GNAI3: variants seen among roughly 807,000 people sequenced by gnomAD.
GNAI3 encodes the protein G protein subunit alpha i3.
Under a neutral mutation model 41.8 loss-of-function variants are expected in GNAI3, and 12 were observed. That is an observed-to-expected ratio of 0.29 (90% CI 0.18 to 0.47). GNAI3 has a LOEUF of 0.47. Ranked by LOEUF, GNAI3 falls within the 20% of genes least tolerant of loss-of-function variation. The pLI, the probability that GNAI3 is intolerant of heterozygous loss-of-function variation, is 1.00. For synonymous variants in GNAI3, 132 were observed against 146.5 expected (o/e 0.90, Z 0.71); for missense variants, 360 against 429.6 (o/e 0.84, Z 1.43).
chr1:109,575,773 G>A (rs935234925), intron 3 of GNAI3, among the ~76,000 whole-genome samples: 6 of 151,754 alleles, frequency 4.0e-5, no homozygotes, highest in East Asian at 1.9e-4. Context: ...CTTGTGATCC[G>A]CCCGCCTCGG....
intron 1 of GNAI3, among the ~76,000 whole-genome samples, chr1:109,567,680 CA>C (rs1648492249): frequency 6.6e-6 from 1 of 152,178 alleles, no homozygotes; most frequent in African/African-American, 2.4e-5. Flanking sequence ...GAACCAACAT[CA>C]GTATCCAAGT....
rs1369084670 is a variant in GNAI3 at position 109,586,359 on chromosome 1, T to C, written c.720+14T>C. ...GACGAGGAGATGGTATGTTGGAGCT[T>C]CTGGTAAAAAGCCTGTCTAATGTAG... On this transcript the variant is annotated intron_variant, in intron 6 of 8. Coordinates refer to ENST00000369851, the MANE Select transcript of GNAI3 (RefSeq NM_006496.4). The C allele has an allele frequency of 6.2e-7, 1 of 1,606,864 alleles. No individual in the cohort carries two copies. The highest frequency in any genetic ancestry group is 2.2e-5 in the East Asian group (1 of 44,646).
At chr1:109,552,826 T>G (rs1648024834) in intron 1 of GNAI3, among the ~76,000 whole-genome samples, 1 of 152,112 alleles carries the variant, frequency 6.6e-6, no homozygotes, top group African/African-American at 2.4e-5. Flanking sequence ...TGCCATCATG[T>G]GACAAAGGTT....
In GNAI3 at chr1:109,586,852, C is replaced by A; in HGVS notation, c.844C>A (p.Pro282Thr). 1 of 1,601,794 alleles carries A rather than the reference C, an allele frequency of 6.2e-7. No individual in the cohort carries two copies. Among genetic ancestry groups the A allele is most frequent in the Non-Finnish European group, 8.6e-7 (1 of 1,169,160 alleles). The change falls in exon 7 of 9, where the codon CCG becomes ACG. Residue 282 changes from proline to threonine, a missense_variant. Transcript: ENST00000369851. ...DLFEEKIKRS[P>T]LTICYPEYTG... ...TTTTGAGGAAAAAATAAAGAGGAGTCCGTTAACTATCTGTTATCCAGAATA... is the reference window on the plus strand; with the variant it reads ...TTTTGAGGAAAAAATAAAGAGGAGTACGTTAACTATCTGTTATCCAGAATA...
At position 109,586,806 on chromosome 1, in the gene GNAI3, C is replaced by G; in HGVS notation, c.798C>G (p.Leu266=). 6.3e-7 allele frequency: 1 copy of G among 1,594,176 alleles called. No homozygotes were observed. Among genetic ancestry groups the G allele is most frequent in the East Asian group, 2.2e-5 (1 of 44,752 alleles). Residue 266 remains leucine, a synonymous_variant, in exon 7 of 9, where the codon CTC becomes CTG. Coordinates refer to ENST00000369851, the MANE Select transcript of GNAI3 (RefSeq NM_006496.4). ...NKWFTETSII[L]FLNKKDLFEE... is the part of the protein sequence containing the mutation. ...GGTTTACAGAAACTTCAATCATTCT[C>G]TTCCTTAACAAGAAAGACCTTTTTG...
At chr1:109,554,533 A>G (rs751460721) in intron 1 of GNAI3, among the ~76,000 whole-genome samples, 4 of 152,078 alleles carry the variant, frequency 2.6e-5, no homozygotes, top group Non-Finnish European at 4.4e-5. Context: ...AGAATTGTCT[A>G]TTCAAGTCCT....
At chr1:109,588,255 A>G (rs1452584166) in intron 7 of GNAI3, among the ~76,000 whole-genome samples, 1 of 151,744 alleles carries the variant, frequency 6.6e-6, no homozygotes, top group Non-Finnish European at 1.5e-5. Flanking sequence ...GGTGGCAGGC[A>G]CCTGTAGTCC....
rs1211083163 is a variant in GNAI3, at chr1:109,596,654, A to G, written c.*4332A>G. ...CAGATGTGAACCACTCCACCCACTC[A>G]GGGCAGTTTTTTTTCTGATACCATA... On this transcript the variant is annotated 3_prime_UTR_variant, in exon 9 of 9. Transcript: ENST00000369851. 6.6e-6 allele frequency: 1 copy of G among 152,154 alleles called. No homozygotes were observed. Among genetic ancestry groups the G allele is most frequent in the Non-Finnish European group, 1.5e-5 (1 of 68,036 alleles). 9.4% of individuals were successfully genotyped at this position (152,154 alleles called of 1,614,324 possible).
chr1:109,564,039 G>GTT (rs1304179215), intron 1 of GNAI3, among the ~76,000 whole-genome samples: 1 of 134,966 alleles, frequency 7.4e-6, no homozygotes, highest in Non-Finnish European at 1.6e-5. Flanking sequence ...CAGTTTTTGT[G>GTT]TGTTTTTTTT....
At chr1:109,554,066 A>G (rs1272998333) in intron 1 of GNAI3, among the ~76,000 whole-genome samples, 1 of 127,898 alleles carries the variant, frequency 7.8e-6, no homozygotes, top group Non-Finnish European at 1.6e-5. Flanking sequence ...GTAGTGTTCC[A>G]TGGGTGTAGA....
Position 109,573,797 on chromosome 1 carries a change from GT to G in GNAI3, c.161+22del. 1 of 1,607,458 alleles carries G rather than the reference GT, an allele frequency of 6.2e-7. No homozygotes were observed. Among genetic ancestry groups the G allele is most frequent in the South Asian group, 1.1e-5 (1 of 90,944 alleles). ...CAGATGAAGTAAGTTGGAATGTAGC[GT>G]TTTGTTAGACTAGGATTTCTCCTAA... On this transcript the variant is annotated intron_variant, in intron 2 of 8. Transcript: ENST00000369851.
rs895351205 is a variant in GNAI3 at position 109,595,898 on chromosome 1, C to T, written c.*3576C>T. The T allele has an allele frequency of 2.0e-5, 3 of 151,396 alleles. No individual in the cohort carries two copies. The highest frequency in any genetic ancestry group is 2.1e-4 in the South Asian group (1 of 4,814). 9.4% of individuals were successfully genotyped at this position (151,396 alleles called of 1,614,324 possible). On this transcript the variant is annotated 3_prime_UTR_variant, in exon 9 of 9. Transcript: ENST00000369851. ...CTAAAACGTCACTGTTTTCCTTGAG[C>T]GTTAGTACTTGTGGGTTCTTTCCTT...
intron 3 of GNAI3, among the ~76,000 whole-genome samples, chr1:109,578,729 G>T (rs1648819759): frequency 6.6e-6 from 1 of 152,176 alleles, no homozygotes; most frequent in African/African-American, 2.4e-5. Flanking sequence ...GCAAAGAAGA[G>T]AATACTTTTT....
In GNAI3 at chr1:109,548,624, G is replaced by T; in HGVS notation, c.-97G>T. ...GGGCGCTAAGGGAGCTGACGGAGAGGGCCACCGCCCAGCAATAGACGGTGC... is the reference window on the plus strand; with the variant it reads ...GGGCGCTAAGGGAGCTGACGGAGAGTGCCACCGCCCAGCAATAGACGGTGC... On this transcript the variant is annotated 5_prime_UTR_variant, in exon 1 of 9. Transcript: ENST00000369851. The T allele has an allele frequency of 3.8e-6, 3 of 781,692 alleles. No individual in the cohort carries two copies. Among genetic ancestry groups the T allele is most frequent in the Non-Finnish European group, 6.5e-6 (3 of 463,274 alleles). 48.4% of individuals were successfully genotyped at this position (781,692 alleles called of 1,614,324 possible).
intron 1 of GNAI3, among the ~76,000 whole-genome samples, chr1:109,567,266 A>T (rs1648480881): frequency 6.6e-6 from 1 of 152,202 alleles, no homozygotes; most frequent in African/African-American, 2.4e-5. Flanking sequence ...CTATACTCTA[A>T]TTATAATCCT....
rs982459305 is a variant in GNAI3 at position 109,598,158 on chromosome 1, T to C, written c.*5836T>C. 13 of 152,218 alleles carry C rather than the reference T, an allele frequency of 8.5e-5. No homozygotes were observed. Among genetic ancestry groups the C allele is most frequent in the Admixed American group, 2.0e-4 (3 of 15,286 alleles). The allele number at this position is 152,218 out of a possible 1,614,324, so 9.4% of individuals were successfully genotyped here. ...CTCTCCCTACGCCCAAAATTCTCCT[T>C]AGGTTATCCAGACATTTTTACTAAG... is the stretch of plus-strand genomic sequence containing the variant. On this transcript the variant is annotated 3_prime_UTR_variant, in exon 9 of 9. Coordinates refer to ENST00000369851, the MANE Select transcript of GNAI3 (RefSeq NM_006496.4).
intron 1 of GNAI3, among the ~76,000 whole-genome samples, chr1:109,565,711 G>T (rs939440134): frequency 6.6e-6 from 1 of 152,144 alleles, no homozygotes; most frequent in Non-Finnish European, 1.5e-5. Flanking sequence ...TAGCAATTTT[G>T]TGCTTTCAAG....
At chr1:109,583,133 T>A (rs1648937307) in intron 5 of GNAI3, among the ~76,000 whole-genome samples, 1 of 152,240 alleles carries the variant, frequency 6.6e-6, no homozygotes, top group Non-Finnish European at 1.5e-5. Flanking sequence ...CAGTGCAGAA[T>A]GGAAAATAGA....
chr1:109,555,791 A>G (rs1288659082), intron 1 of GNAI3, among the ~76,000 whole-genome samples: 4 of 152,200 alleles, frequency 2.6e-5, no homozygotes. Context: ...TAAAACCTGA[A>G]GCACTATGCT....
Sources: gnomAD v4.1 joint callset for allele counts (sites outside exome capture counted in the v4.1 genomes callset) on GRCh38, gnomAD v4.1.1 for gene constraint, MANE v1.5 for transcripts, NCBI Gene and HGNC (gene_info 2026-07-23, HGNC 2026-07-21) for gene names.